TANC2: variants seen among roughly 807,000 people sequenced by gnomAD.
TANC2 encodes the protein protein TANC2.
A neutral mutation model predicts 210.5 loss-of-function variants in TANC2; 26 were observed. The observed-to-expected ratio is 0.12, with a 90% CI of 0.09 to 0.17. The LOEUF is 0.17. Among genes scored for constraint, TANC2 ranks in the 10% least tolerant of loss-of-function variants. The pLI is 1.00. For missense variants in TANC2, 2,129 were observed against 2,608.9 expected, an observed-to-expected ratio of 0.82 and a Z score of 4.01; for synonymous variants, 931 against 967.1, an observed-to-expected ratio of 0.96 and a Z score of 0.69.
At chr17:63,401,544 A>C (rs1374828419) in intron 19 of TANC2, among the ~76,000 whole-genome samples, 1 of 152,222 alleles carries the variant, frequency 6.6e-6, no homozygotes, top group Non-Finnish European at 1.5e-5. Flanking sequence ...TGATTTTTAC[A>C]TATTAGATTT....
chr17:63,110,160 A>T (rs949480733), intron 4 of TANC2, among the ~76,000 whole-genome samples: 1 of 151,622 alleles, frequency 6.6e-6, no homozygotes, highest in Non-Finnish European at 1.5e-5. Flanking sequence ...CCTAGTGTCC[A>T]CATTTTGACA....
chr17:62,998,639 T>A (rs2033229352), intron 1 of TANC2, among the ~76,000 whole-genome samples: 1 of 152,220 alleles, frequency 6.6e-6, no homozygotes, highest in African/African-American at 2.4e-5. Flanking sequence ...AAACATTTCC[T>A]ATGTAGCCAA....
At chr17:63,257,809 T>C (rs770548033) in intron 8 of TANC2, among the ~76,000 whole-genome samples, 1 of 152,246 alleles carries the variant, frequency 6.6e-6, no homozygotes, top group Non-Finnish European at 1.5e-5. Flanking sequence ...TTGTATTGTT[T>C]CTATTTATAT....
At chr17:62,970,014 A>T (rs1330127103) in intron 1 of TANC2, among the ~76,000 whole-genome samples, 1 of 152,156 alleles carries the variant, frequency 6.6e-6, no homozygotes, top group Non-Finnish European at 1.5e-5. Flanking sequence ...TGTGTAAAAT[A>T]TAAAGACTTC....
chr17:63,005,712 C>T lies in TANC2; in HGVS notation c.-23-3825C>T, dbSNP rs183380993. Among the ~76,000 whole-genome samples the T allele has an allele frequency of 4.7e-4, 72 of 152,080 alleles. No individual in the cohort carries two copies. In the East Asian group the frequency reaches 0.012, roughly 24 times the overall value. ...GTCTATGTTCATGAGGTATGTTGGT[C>T]TGCACTTCTCTTTTCTTATAATATC... On this transcript the variant is annotated intron_variant, in intron 1 of 27. Coordinates refer to ENST00000689528, the Ensembl canonical transcript of TANC2.
intron 12 of TANC2, among the ~76,000 whole-genome samples, chr17:63,341,325 T>A (rs185935083): frequency 1.4e-4 from 22 of 152,350 alleles, no homozygotes; most frequent in African/African-American, 5.3e-4. Flanking sequence ...TCCACAAGTA[T>A]TTTTAAGCCT....
intron 5 of TANC2, among the ~76,000 whole-genome samples, chr17:63,179,149 A>G (rs2040691017): frequency 6.6e-6 from 1 of 151,984 alleles, no homozygotes; most frequent in Non-Finnish European, 1.5e-5. Context: ...TTATTTTTTT[A>G]TTTCCCCCGT....
intron 4 of TANC2, among the ~76,000 whole-genome samples, chr17:63,140,361 C>T (rs1245746655): frequency 1.3e-5 from 2 of 152,216 alleles, no homozygotes; most frequent in Admixed American, 6.5e-5. Context: ...ATTCATACAA[C>T]AAATGTTGGT....
chr17:63,250,416 A>T (rs2043026032), intron 8 of TANC2, among the ~76,000 whole-genome samples: 2 of 152,102 alleles, frequency 1.3e-5, no homozygotes, highest in African/African-American at 4.8e-5. Flanking sequence ...TGTTAATTTA[A>T]TCTGACAGAA....
chr17:63,074,499 A>G (rs2036507118), intron 3 of TANC2, among the ~76,000 whole-genome samples: 1 of 152,160 alleles, frequency 6.6e-6, no homozygotes, highest in Non-Finnish European at 1.5e-5. Flanking sequence ...TGAAGGGACA[A>G]CTTCAAAACT....
At chr17:63,062,061 G>A (rs1021140856) in intron 2 of TANC2, among the ~76,000 whole-genome samples, 1 of 151,896 alleles carries the variant, frequency 6.6e-6, no homozygotes, top group Non-Finnish European at 1.5e-5. Context: ...GTTTTGAATT[G>A]TATATTACAG....
At chr17:63,143,892 C>T (rs2039375535) in intron 4 of TANC2, among the ~76,000 whole-genome samples, 1 of 152,042 alleles carries the variant, frequency 6.6e-6, no homozygotes, top group South Asian at 2.1e-4. Context: ...GGGGCTCTCA[C>T]CTGTAATCCT....
At chr17:63,413,278 A>T (rs2048759674) in intron 24 of TANC2, 1 of 345,830 alleles carries the variant, frequency 2.9e-6, no homozygotes, top group Non-Finnish European at 5.2e-6. Context: ...TTGCTTGCCC[A>T]CATGCAGCAC....
chr17:63,126,437 T>G (rs549708326), intron 4 of TANC2, among the ~76,000 whole-genome samples: 103 of 152,276 alleles, frequency 6.8e-4, no homozygotes, highest in African/African-American at 2.4e-3. Context: ...TGACGGAGTC[T>G]TCTTCTGTCG....
Position 63,107,465 on chromosome 17 carries a change from A to G in TANC2, c.322+8108A>G, listed in dbSNP as rs1034475989. Among the ~76,000 whole-genome samples the G allele has an allele frequency of 3.3e-5, 5 of 151,798 alleles. 1 individual carries two copies. Among genetic ancestry groups the G allele is most frequent in the African/African-American group, 1.2e-4 (5 of 41,064 alleles). On this transcript the variant is annotated intron_variant, in intron 4 of 27. Transcript: ENST00000689528. The stretch of plus-strand genomic sequence containing the variant: ...ATTGCTTTTTTATGCATGAGACAAC[A>G]TGGCATCAAAATGTATAAAGTTATC...
intron 7 of TANC2, among the ~76,000 whole-genome samples, chr17:63,210,865 T>C (rs2041864342): frequency 6.6e-6 from 1 of 152,214 alleles, no homozygotes; most frequent in African/African-American, 2.4e-5. Flanking sequence ...TTTTTCTTTT[T>C]GAATCAGTTT....
At chr17:63,336,921 A>G (rs1655450636) in intron 11 of TANC2, among the ~76,000 whole-genome samples, 1 of 152,196 alleles carries the variant, frequency 6.6e-6, no homozygotes, top group Admixed American at 6.6e-5. Flanking sequence ...GACTTTCTCA[A>G]AGGTGTAGGG....
At chr17:63,357,956 G>T (rs1325037245) in intron 14 of TANC2, among the ~76,000 whole-genome samples, 1 of 152,202 alleles carries the variant, frequency 6.6e-6, no homozygotes, top group African/African-American at 2.4e-5. Context: ...ATCACACCAG[G>T]TAAGCCAGTG....
chr17:63,306,062 C>CA (rs1209531791), intron 9 of TANC2, among the ~76,000 whole-genome samples: 12 of 152,148 alleles, frequency 7.9e-5, no homozygotes, highest in Non-Finnish European at 5.9e-5. Flanking sequence ...GTAATGTGGT[C>CA]ATTGTAATAA....
Sources: gnomAD v4.1 joint callset for allele counts (sites outside exome capture counted in the v4.1 genomes callset) on GRCh38, gnomAD v4.1.1 for gene constraint, MANE v1.5 for transcripts, NCBI Gene and HGNC (gene_info 2026-07-23, HGNC 2026-07-21) for gene names.